CR1: variants seen among roughly 807,000 people sequenced by gnomAD.
CR1 encodes the protein complement C3b/C4b receptor 1 (Knops blood group).
In CR1, 116 loss-of-function variants were observed where a neutral mutation model predicts 187.3. The ratio of observed to expected loss-of-function variants is 0.62; its 90% CI spans 0.53 to 0.72. The LOEUF (loss-of-function observed/expected upper bound fraction) is 0.72. Ranked by LOEUF, CR1 falls within the 30% of genes least tolerant of loss-of-function variation. CR1 has a pLI of 0.00. For synonymous variants in CR1, 576 were observed against 747.1 expected, an observed-to-expected ratio of 0.77 and a Z score of 3.73; for missense variants, 1,731 against 2,110.7, an observed-to-expected ratio of 0.82 and a Z score of 3.52.
chr1:207,609,566 T>C lies in CR1; in HGVS notation c.6173T>C (p.Phe2058Ser). ...NAIRVPGNRS[F>S]FTLTEIIRFR... The stretch of plus-strand genomic sequence containing the variant: ...ATTAGAGTACCAGGAAACAGGAGTT[T>C]CTTTACCCTCACTGAGATCATCAGA... The change falls in exon 37 of 47, where the codon TTC becomes TCC. Residue 2058 changes from phenylalanine (F) to serine (S), a missense_variant. Coordinates refer to ENST00000367049, the MANE Select transcript of CR1 (RefSeq NM_000651.6). The C allele has an allele frequency of 6.2e-7, 1 of 1,613,810 alleles. No individual in the cohort carries two copies. The highest frequency in any genetic ancestry group is 1.1e-5 in the South Asian group (1 of 91,048).
intron 46 of CR1, among the ~76,000 whole-genome samples, chr1:207,638,056 A>G (rs1662870724): frequency 6.6e-6 from 1 of 152,252 alleles, no homozygotes; most frequent in Non-Finnish European, 1.5e-5. Context: ...TAAAAAATTT[A>G]AAGTATAGAG....
At chr1:207,524,406 T>C (rs980086144) in intron 5 of CR1, among the ~76,000 whole-genome samples, 1 of 152,048 alleles carries the variant, frequency 6.6e-6, no homozygotes, top group African/African-American at 2.4e-5. Context: ...TTGCTTGAGA[T>C]ACTGTCTTGA....
chr1:207,581,845 G>A (rs1660964585), intron 31 of CR1, 73 bp from the exon 32 acceptor site: 2 of 984,736 alleles, frequency 2.0e-6, no homozygotes, highest in Non-Finnish European at 3.2e-6. Flanking sequence ...TTCTCAGGGA[G>A]GAGGTTGAGA....
At chr1:207,576,081 C>T (rs1660736055) in intron 28 of CR1, among the ~76,000 whole-genome samples, 1 of 152,198 alleles carries the variant, frequency 6.6e-6, no homozygotes, top group Non-Finnish European at 1.5e-5. Flanking sequence ...TTTCTTCCTT[C>T]TTATTCTTTG....
intron 24 of CR1, 57 bp downstream of exon 24, chr1:207,565,980 T>A (rs1571537703): frequency 6.3e-7 from 1 of 1,598,654 alleles, no homozygotes; most frequent in Non-Finnish European, 8.5e-7. Flanking sequence ...GTTCACTATT[T>A]GTCCTATGGC....
intron 35 of CR1, among the ~76,000 whole-genome samples, chr1:207,591,313 A>G (rs1661264817): frequency 1.3e-5 from 2 of 152,242 alleles, no homozygotes; most frequent in South Asian, 4.1e-4. Flanking sequence ...AAAACTGCAC[A>G]ACTACATGGA....
rs1229560560 is a variant in CR1 at position 207,620,080 on chromosome 1, A to G, written c.7252+15A>G. On this transcript the variant is annotated intron_variant, in intron 43 of 46. Coordinates refer to ENST00000367049, the MANE Select transcript of CR1 (RefSeq NM_000651.6). Reference sequence around the variant, plus strand: ...ATGTACCTCTCGTAAGTGCAAGTGCAAGGAATGTGGGATCTTCCCGGTCAT... The same window carrying G: ...ATGTACCTCTCGTAAGTGCAAGTGCGAGGAATGTGGGATCTTCCCGGTCAT... The G allele has an allele frequency of 1.9e-6, 3 of 1,601,988 alleles. No individual in the cohort carries two copies. Among genetic ancestry groups the G allele is most frequent in the East Asian group, 4.5e-5 (2 of 44,776 alleles).
intron 4 of CR1, among the ~76,000 whole-genome samples, chr1:207,518,354 G>A (rs1186519080): frequency 3.3e-5 from 5 of 152,190 alleles, no homozygotes; most frequent in Non-Finnish European, 5.9e-5. Context: ...TGAATGTACA[G>A]TTATTTTGCT....
intron 3 of CR1, among the ~76,000 whole-genome samples, chr1:207,509,216 C>A (rs535318801): frequency 6.6e-6 from 1 of 152,288 alleles, no homozygotes; most frequent in East Asian, 1.9e-4. Flanking sequence ...GGGGAGGAGA[C>A]TCCCAAAAGT....
intron 35 of CR1, chr1:207,598,756 C>G (rs561538842): frequency 2.6e-5 from 4 of 152,190 alleles, no homozygotes; most frequent in Non-Finnish European, 4.4e-5. Context: ...CGCTAACTAA[C>G]GTATTGAAAT....
intron 38 of CR1, 30 bp downstream of exon 38, chr1:207,611,883 T>C: frequency 6.2e-7 from 1 of 1,613,808 alleles, no homozygotes; most frequent in Non-Finnish European, 8.5e-7. Flanking sequence ...TCCAGATTGC[T>C]CTGTTTTCCC....
In CR1 at chr1:207,580,352, AG is replaced by A. The variant is rs1292743766; in HGVS notation, c.5053del (p.Ala1685LeufsTer21). ...YSCEPGYDLR[G>X]AASLHCTPQG... ...GCTGTGAGCCTGGCTATGACCTCAGAGGGGCTGCGTCTCTGCACTGCACACC... is the reference window on the plus strand; with the variant it reads ...GCTGTGAGCCTGGCTATGACCTCAGAGGGCTGCGTCTCTGCACTGCACACC... On this transcript the variant is annotated frameshift_variant, in exon 30 of 47. Coordinates refer to ENST00000367049, the MANE Select transcript of CR1 (RefSeq NM_000651.6). LOFTEE classifies it high-confidence loss of function. 6.2e-7 allele frequency: 1 copy of A among 1,613,758 alleles called. No individual in the cohort carries two copies. Among genetic ancestry groups the A allele is most frequent in the African/African-American group, 1.3e-5 (1 of 74,884 alleles).
Position 207,609,660 on chromosome 1 carries a change from G to C in CR1, c.6267G>C (p.Trp2089Cys), listed in dbSNP as rs1232192451. Residue 2089 changes from tryptophan to cysteine, a missense_variant, in exon 37 of 47, where the codon TGG becomes TGC. By Grantham distance (215) the Trp-to-Cys change is radical (BLOSUM62 -2). Coordinates refer to ENST00000367049, the MANE Select transcript of CR1 (RefSeq NM_000651.6). ...HTVQCQTNGRWGPKLPHCSRV... is the reference protein window; with the variant it reads ...HTVQCQTNGRCGPKLPHCSRV... Reference sequence around the variant, plus strand: ...TGCAGTGCCAGACCAATGGCAGATGGGGGCCCAAGCTGCCACACTGCTCCA... The same window carrying C: ...TGCAGTGCCAGACCAATGGCAGATGCGGGCCCAAGCTGCCACACTGCTCCA... 1 of 1,593,994 alleles carries C rather than the reference G, an allele frequency of 6.3e-7. No homozygotes were observed. Among genetic ancestry groups the C allele is most frequent in the Non-Finnish European group, 8.5e-7 (1 of 1,170,444 alleles).
intron 35 of CR1, among the ~76,000 whole-genome samples, chr1:207,590,692 T>C (rs1015805890): frequency 2.0e-5 from 3 of 151,640 alleles, no homozygotes; most frequent in African/African-American, 7.3e-5. Context: ...TCAAGACCCA[T>C]TGGTGTGCTG....
chr1:207,630,448 A>T, intron 45 of CR1, 69 bp from the exon 46 acceptor site: 2 of 1,016,890 alleles, frequency 2.0e-6, no homozygotes, highest in Non-Finnish European at 1.4e-6. Flanking sequence ...AATGCAAATT[A>T]CTAATTTCTT....
chr1:207,516,961 A>G (rs1659826699), intron 4 of CR1, among the ~76,000 whole-genome samples: 1 of 152,064 alleles, frequency 6.6e-6, no homozygotes, highest in Non-Finnish European at 1.5e-5. Flanking sequence ...ATTGGCTAGA[A>G]CCTCCAGTAC....
At chr1:207,633,987 G>T (rs1223655323) in intron 46 of CR1, among the ~76,000 whole-genome samples, 2 of 152,138 alleles carry the variant, frequency 1.3e-5, no homozygotes, top group Non-Finnish European at 1.5e-5. Context: ...TTTGAGCCAG[G>T]ATGAGCCAGG....
intron 34 of CR1, 84 bp from the exon 35 acceptor site, chr1:207,588,591 G>A (rs1040727031): frequency 1.0e-5 from 9 of 877,672 alleles, no homozygotes; most frequent in Admixed American, 2.3e-5. Context: ...TGTATATGCT[G>A]TTTAGTATGC....
Position 207,523,962 on chromosome 1 carries a change from G to T in CR1, c.839G>T (p.Cys280Phe), listed in dbSNP as rs753515222. 216 of 1,611,658 alleles carry T rather than the reference G, an allele frequency of 1.3e-4. No individual in the cohort carries two copies. The highest frequency in any genetic ancestry group is 1.7e-4 in the Non-Finnish European group (200 of 1,179,720). The change falls in exon 5 of 47, where the codon TGC becomes TTC. Residue 280 changes from cysteine to phenylalanine, a missense_variant. By Grantham distance (205) the Cys-to-Phe change is radical (BLOSUM62 -2). Coordinates refer to ENST00000367049, the MANE Select transcript of CR1 (RefSeq NM_000651.6). ...FVMKGPRRVK[C>F]QALNKWEPEL... ...ATGAAAGGACCCCGCCGTGTGAAGTGCCAGGCCCTGAACAAATGGGAGCCG... is the reference window on the plus strand; with the variant it reads ...ATGAAAGGACCCCGCCGTGTGAAGTTCCAGGCCCTGAACAAATGGGAGCCG...
Sources: gnomAD v4.1 joint callset for allele counts (sites outside exome capture counted in the v4.1 genomes callset) on GRCh38, gnomAD v4.1.1 for gene constraint, MANE v1.5 for transcripts, NCBI Gene and HGNC (gene_info 2026-07-23, HGNC 2026-07-21) for gene names.